The following GNAQ variants were observed in gnomAD, a reference collection of about 807,000 sequenced individuals.
GNAQ encodes G protein subunit alpha q.
GNAQ carries 8 observed loss-of-function variants against 43.9 expected under a neutral mutation model. The ratio of observed to expected loss-of-function variants is 0.18; its 90% CI spans 0.11 to 0.33. GNAQ has a LOEUF of 0.33. Among genes scored for constraint, GNAQ ranks in the 10% least tolerant of loss-of-function variants. The pLI, the probability that GNAQ is intolerant of heterozygous loss-of-function variation, is 1.00. For missense variants in GNAQ, 158 were observed against 450.8 expected (o/e 0.35, Z 5.88); for synonymous variants, 155 against 170.7 (o/e 0.91, Z 0.71).
intron 1 of GNAQ, among the ~76,000 whole-genome samples, chr9:77,998,915 CG>C (rs1259221970): frequency 1.9e-4 from 29 of 151,472 alleles, no homozygotes; most frequent in Non-Finnish European, 1.5e-5. Flanking sequence ...GGTGAAACCC[CG>C]TCTCTACTAA....
At chr9:77,907,679 C>G (rs1828733106) in intron 2 of GNAQ, among the ~76,000 whole-genome samples, 1 of 152,116 alleles carries the variant, frequency 6.6e-6, no homozygotes, top group Non-Finnish European at 1.5e-5. Context: ...TAGGTGGTAT[C>G]AGAGTTAAAA....
At chr9:77,998,972 T>C (rs1823610608) in intron 1 of GNAQ, among the ~76,000 whole-genome samples, 1 of 150,902 alleles carries the variant, frequency 6.6e-6, no homozygotes, top group South Asian at 2.1e-4. Context: ...GCACCTGTAA[T>C]CCCAGCTACT....
At chr9:77,788,292 G>A (rs1257546787) in intron 5 of GNAQ, among the ~76,000 whole-genome samples, 1 of 152,070 alleles carries the variant, frequency 6.6e-6, no homozygotes, top group Non-Finnish European at 1.5e-5. Flanking sequence ...AAACACAGCA[G>A]GGAACAGTCA....
intron 1 of GNAQ, among the ~76,000 whole-genome samples, chr9:77,992,806 G>A (rs1315986563): frequency 6.6e-6 from 1 of 151,996 alleles, no homozygotes. Flanking sequence ...TTAGCCAAGT[G>A]TGGTGGTACA....
chr9:77,942,319 G>T, intron 1 of GNAQ, among the ~76,000 whole-genome samples: 1 of 152,274 alleles, frequency 6.6e-6, no homozygotes, highest in East Asian at 1.9e-4. Context: ...AAATGTCAGA[G>T]AGTGGTCAAG....
At chr9:77,917,807 G>A (rs1485548808) in intron 2 of GNAQ, among the ~76,000 whole-genome samples, 1 of 152,168 alleles carries the variant, frequency 6.6e-6, no homozygotes, top group Non-Finnish European at 1.5e-5. Context: ...TCTCTCACCT[G>A]GGCTGAGTCC....
chr9:77,922,009 C>G, intron 2 of GNAQ, 152 bp downstream of exon 2: 1 of 461,498 alleles, frequency 2.2e-6, no homozygotes, highest in Non-Finnish European at 3.9e-6. Context: ...AACTTATTAT[C>G]TATTAAAAGT....
At chr9:77,870,397 C>A (rs138754996) in intron 2 of GNAQ, among the ~76,000 whole-genome samples, 1,956 of 141,718 alleles carry the variant, frequency 0.014, 36 homozygotes, top group African/African-American at 0.044. Context: ...GTGGCGCGAT[C>A]TCAGCTCACT....
intron 2 of GNAQ, among the ~76,000 whole-genome samples, chr9:77,918,185 T>C (rs769160018): frequency 6.6e-6 from 1 of 152,132 alleles, no homozygotes; most frequent in African/African-American, 2.4e-5. Flanking sequence ...GCTCATATAA[T>C]GTACAGGCCA....
At chr9:77,960,307 A>T (rs1823091586) in intron 1 of GNAQ, among the ~76,000 whole-genome samples, 1 of 152,202 alleles carries the variant, frequency 6.6e-6, no homozygotes, top group African/African-American at 2.4e-5. Context: ...GTCAGGAGGC[A>T]GAGGGAGTGA....
At chr9:78,030,900 TG>T (rs1014017613) in intron 1 of GNAQ, among the ~76,000 whole-genome samples, 199 bp downstream of exon 1, 10 of 151,106 alleles carry the variant, frequency 6.6e-5, no homozygotes, top group Admixed American at 3.9e-4. Flanking sequence ...TGTGTGTGTG[TG>T]TGTGTGTGTG....
chr9:77,729,898 C>A (rs900086223), intron 5 of GNAQ, among the ~76,000 whole-genome samples: 13 of 152,200 alleles, frequency 8.5e-5, no homozygotes, highest in Non-Finnish European at 1.6e-4. Context: ...AGCTTCCCTT[C>A]CCTCATTTAT....
chr9:77,913,259 C>T (rs936438518), intron 2 of GNAQ, among the ~76,000 whole-genome samples: 1 of 150,636 alleles, frequency 6.6e-6, no homozygotes, highest in Non-Finnish European at 1.5e-5. Flanking sequence ...GTATTTTTAT[C>T]AGCCAGAAAT....
At chr9:77,729,824 C>A (rs1825460385) in intron 5 of GNAQ, among the ~76,000 whole-genome samples, 1 of 152,196 alleles carries the variant, frequency 6.6e-6, no homozygotes, top group Non-Finnish European at 1.5e-5. Flanking sequence ...ACCAGAGCAT[C>A]CTAGTTTCCT....
chr9:77,762,260 C>T (rs1826049057), intron 5 of GNAQ, among the ~76,000 whole-genome samples: 1 of 144,740 alleles, frequency 6.9e-6, no homozygotes, highest in South Asian at 2.2e-4. Context: ...GGGGGGTCAG[C>T]CCCCCGCCTG....
At chr9:77,867,179 C>T (rs1456800844) in intron 2 of GNAQ, among the ~76,000 whole-genome samples, 1 of 152,190 alleles carries the variant, frequency 6.6e-6, no homozygotes, top group Non-Finnish European at 1.5e-5. Flanking sequence ...CCCACTTCCC[C>T]CCGCCTTGGG....
At chr9:77,759,583 G>A (rs1377951161) in intron 5 of GNAQ, among the ~76,000 whole-genome samples, 2 of 152,158 alleles carry the variant, frequency 1.3e-5, no homozygotes, top group East Asian at 3.9e-4. Flanking sequence ...GGACCATGTG[G>A]CAGGTCTATG....
At chr9:78,004,806 C>T (rs562123481) in intron 1 of GNAQ, among the ~76,000 whole-genome samples, 193 of 151,716 alleles carry the variant, frequency 1.3e-3, no homozygotes, top group Non-Finnish European at 2.3e-3. Context: ...GCACAGAGAG[C>T]GATGGAGGAA....
At chr9:77,806,335 C>T (rs969259810) in intron 3 of GNAQ, among the ~76,000 whole-genome samples, 3 of 152,236 alleles carry the variant, frequency 2.0e-5, no homozygotes, top group East Asian at 1.9e-4. Flanking sequence ...GATGGCGATG[C>T]TTAATTCAGT....
Sources: allele counts gnomAD v4.1 joint callset (sites outside exome capture counted in the v4.1 genomes callset), GRCh38; gene constraint gnomAD v4.1.1; transcripts MANE v1.5; gene names NCBI Gene and HGNC (gene_info 2026-07-23, HGNC 2026-07-21).